RBPMS: variants seen among roughly 807,000 people sequenced by gnomAD.
The protein encoded by RBPMS is RNA binding protein, mRNA processing factor, also known as RNA-binding protein with multiple splicing.
In RBPMS, 7 loss-of-function variants were observed where a neutral mutation model predicts 26.8. That is an observed-to-expected ratio of 0.26 (90% CI 0.15 to 0.49). The LOEUF is 0.49. RBPMS is among the 20% of genes least tolerant of loss of function. RBPMS has a pLI of 0.98. For synonymous variants in RBPMS, 96 were observed against 93.3 expected (o/e 1.03, Z -0.17); for missense variants, 186 against 250.0 (o/e 0.74, Z 1.73).
chr8:30,490,807 A>G (rs11776587), intron 4 of RBPMS, among the ~76,000 whole-genome samples: 4 of 152,028 alleles, frequency 2.6e-5, no homozygotes, highest in African/African-American at 9.7e-5. Flanking sequence ...TAGTAATCTA[A>G]TTGCAAGGAT....
intron 5 of RBPMS, among the ~76,000 whole-genome samples, chr8:30,534,156 C>CT (rs936903859): frequency 6.6e-6 from 1 of 151,876 alleles, no homozygotes; most frequent in African/African-American, 2.4e-5. Context: ...TTTTTGTACT[C>CT]TGACTTCTGA....
At chr8:30,557,558 C>G (rs1406281727) in intron 6 of RBPMS, among the ~76,000 whole-genome samples, 3 of 152,194 alleles carry the variant, frequency 2.0e-5, no homozygotes, top group Middle Eastern at 3.2e-3. Context: ...GCAGTGCTGC[C>G]TCCCAGACCC....
intron 1 of RBPMS, among the ~76,000 whole-genome samples, chr8:30,447,740 G>A (rs1814043396): frequency 6.6e-6 from 1 of 152,062 alleles, no homozygotes; most frequent in African/African-American, 2.4e-5. Context: ...ACTTTATTGT[G>A]TCTATACAAA....
chr8:30,476,568 A>G (rs1228823937), intron 2 of RBPMS, among the ~76,000 whole-genome samples: 2 of 152,162 alleles, frequency 1.3e-5, no homozygotes, highest in Non-Finnish European at 2.9e-5. Flanking sequence ...TCTGCTGGGA[A>G]GATGTAAGGA....
intron 1 of RBPMS, among the ~76,000 whole-genome samples, chr8:30,419,188 A>G (rs1285080512): frequency 1.3e-5 from 2 of 151,986 alleles, no homozygotes; most frequent in Admixed American, 6.6e-5. Flanking sequence ...GCTCAGGCCT[A>G]TAATCCTAGC....
chr8:30,513,000 C>A (rs1161235919), intron 5 of RBPMS, among the ~76,000 whole-genome samples: 1 of 146,566 alleles, frequency 6.8e-6, no homozygotes, highest in African/African-American at 2.7e-5. Context: ...GCCTTCCCAC[C>A]CCACCCCACC....
chr8:30,525,610 T>G (rs1399875356), intron 5 of RBPMS, among the ~76,000 whole-genome samples: 1 of 152,212 alleles, frequency 6.6e-6, no homozygotes, highest in Non-Finnish European at 1.5e-5. Context: ...TAAGAACATT[T>G]TTTTGCAGTT....
chr8:30,504,443 C>A lies in RBPMS; in HGVS notation c.397+7C>A, dbSNP rs563823581. 6 of 1,613,112 alleles carry A rather than the reference C, an allele frequency of 3.7e-6. No individual in the cohort carries two copies. The highest frequency in any genetic ancestry group is 3.3e-4 in the Middle Eastern group (2 of 6,058). ...TTCATTGCCAGAGAGCCATGTAAGT[C>A]GATCTACTTTTCATTCAAAAGTAAT... is the stretch of plus-strand genomic sequence containing the variant. On this transcript the variant is annotated splice_region_variant and intron_variant, in intron 5 of 8. Transcript: ENST00000397323.
chr8:30,549,331 GTA>G (rs934711566), intron 6 of RBPMS, among the ~76,000 whole-genome samples: 16 of 152,324 alleles, frequency 1.1e-4, no homozygotes, highest in African/African-American at 3.8e-4. Flanking sequence ...GATTCCTAAG[GTA>G]TATACTGTCT....
At chr8:30,488,855 G>A (rs1221338865) in intron 4 of RBPMS, among the ~76,000 whole-genome samples, 1 of 152,144 alleles carries the variant, frequency 6.6e-6, no homozygotes, top group Non-Finnish European at 1.5e-5. Flanking sequence ...GAGAACAATG[G>A]AAGTATGTCT....
Position 30,411,039 on chromosome 8 carries a change from G to A in RBPMS, c.66+25881G>A, listed in dbSNP as rs143124384. Reference sequence around the variant, plus strand: ...CAGGTGTGAGCCACTGTGCCTGGCCGTGAAATTTTCTTAATAATTTTTAAT... The same window carrying A: ...CAGGTGTGAGCCACTGTGCCTGGCCATGAAATTTTCTTAATAATTTTTAAT... On this transcript the variant is annotated intron_variant, in intron 1 of 8. Transcript: ENST00000397323. Among the ~76,000 whole-genome samples, 60 of 152,156 alleles carry A rather than the reference G, an allele frequency of 3.9e-4. No homozygotes were observed. The East Asian group carries it at 9.3e-3, about 24-fold the overall frequency.
intron 6 of RBPMS, among the ~76,000 whole-genome samples, chr8:30,557,323 A>G (rs531353829): frequency 5.3e-4 from 80 of 152,260 alleles, no homozygotes; most frequent in African/African-American, 1.6e-3. Flanking sequence ...GACCAGGGAC[A>G]AGGTCGGGGT....
At chr8:30,567,064 A>G (rs1827940144) in intron 8 of RBPMS, among the ~76,000 whole-genome samples, 1 of 152,170 alleles carries the variant, frequency 6.6e-6, no homozygotes, top group African/African-American at 2.4e-5. Flanking sequence ...GGTCTCTGGA[A>G]AGCCTGGCTT....
chr8:30,543,967 C>T (rs545011875), intron 5 of RBPMS, among the ~76,000 whole-genome samples: 3 of 152,318 alleles, frequency 2.0e-5, no homozygotes, highest in Non-Finnish European at 4.4e-5. Flanking sequence ...TGGCCCTGTA[C>T]TTCTGAGGGC....
In RBPMS at chr8:30,504,297, C is replaced by G; in HGVS notation, c.258C>G (p.Phe86Leu). ...CTCTGTTTCCAAAGGGCATCCGCTT[C>G]GATCCTGAAATTCCGCAAACACTAC... ...AAKNALNGIR[F>L]DPEIPQTLRL... The change falls in exon 5 of 9, where the codon TTC (phenylalanine) becomes TTG (leucine). Residue 86 changes from phenylalanine (F) to leucine (L), a missense_variant. This residue lies in a region of RBPMS where 50 missense variants were observed against 108.5 expected (regional missense o/e 0.46). Transcript: ENST00000397323. The G allele has an allele frequency of 6.2e-7, 1 of 1,614,144 alleles. No individual in the cohort carries two copies. The highest frequency in any genetic ancestry group is 8.5e-7 in the Non-Finnish European group (1 of 1,180,002).
chr8:30,493,441 C>A (rs1235383190), intron 4 of RBPMS, among the ~76,000 whole-genome samples: 1 of 152,032 alleles, frequency 6.6e-6, no homozygotes. Flanking sequence ...ACTGGCAGCA[C>A]CAGCCACGTT....
At chr8:30,435,423 T>C (rs1250094785) in intron 1 of RBPMS, among the ~76,000 whole-genome samples, 1 of 152,202 alleles carries the variant, frequency 6.6e-6, no homozygotes, top group Non-Finnish European at 1.5e-5. Context: ...TAACAAATAC[T>C]CTCTGGAGGC....
chr8:30,480,320 C>T (rs1252093885), intron 4 of RBPMS, among the ~76,000 whole-genome samples: 1 of 152,036 alleles, frequency 6.6e-6, no homozygotes. Flanking sequence ...CTGCAGGTAC[C>T]CCTGGCAGCT....
At chr8:30,505,319 G>A (rs563157499) in intron 5 of RBPMS, among the ~76,000 whole-genome samples, 1 of 152,278 alleles carries the variant, frequency 6.6e-6, no homozygotes, top group East Asian at 1.9e-4. Context: ...ACACGGTTGT[G>A]ATCTTCTTCC....
Sources: gnomAD v4.1 joint callset for allele counts (sites outside exome capture counted in the v4.1 genomes callset) on GRCh38, gnomAD v4.1.1 for gene constraint, gnomAD v4.1.1 regional missense constraint, MANE v1.5 for transcripts, NCBI Gene and HGNC (gene_info 2026-07-23, HGNC 2026-07-21) for gene names.